PCDHGA8: variants seen among roughly 807,000 people sequenced by gnomAD.
PCDHGA8 encodes protocadherin gamma subfamily A, 8, also known as protocadherin gamma-A8.
PCDHGA8 carries 45 observed loss-of-function variants against 59.2 expected under a neutral mutation model. The observed-to-expected ratio is 0.76, with a 90% CI of 0.60 to 0.98. PCDHGA8 has a LOEUF of 0.98. Among genes scored for constraint, PCDHGA8 ranks in the 50% least tolerant of loss-of-function variants. PCDHGA8 has a pLI of 0.00. For missense variants in PCDHGA8, 1,257 were observed against 1,196.2 expected (o/e 1.05, Z -0.75); for synonymous variants, 531 against 519.0 (o/e 1.02, Z -0.32).
chr5:141,481,842 T>C (rs1402237517), intron 1 of PCDHGA8, among the ~76,000 whole-genome samples: 1 of 144,038 alleles, frequency 6.9e-6, no homozygotes, highest in Non-Finnish European at 1.5e-5. Flanking sequence ...AATCGCTTGA[T>C]GGTGGAGGTT....
At chr5:141,400,557 ACC>A in intron 1 of PCDHGA8, 5 of 1,613,254 alleles carry the variant, frequency 3.1e-6, no homozygotes, top group Non-Finnish European at 3.4e-6. Context: ...CTTTTTCATT[ACC>A]CACCCAATTT....
chr5:141,489,084 C>G lies in PCDHGA8; in HGVS notation c.2425-5723C>G. ...CTCCCCCCTGCCCACCCCCGCCACT[C>G]GGTGACTAAGAACTGCTGCAAGCAG... On this transcript the variant is annotated intron_variant, in intron 1 of 3. Transcript: ENST00000398604. This position sits in a 1 kb window ranked among gnomAD's most constrained non-coding sequence, Gnocchi z 4.5. 6.1e-6 allele frequency: 2 copies of G among 329,126 alleles called. No homozygotes were observed. The highest frequency in any genetic ancestry group is 2.5e-5 in the African/African-American group (1 of 40,384). 20.4% of individuals were successfully genotyped at this position (329,126 alleles called of 1,614,324 possible). A position where few individuals can be genotyped will look rare whatever the true frequency, so the allele number is the denominator to read the frequency against.
In PCDHGA8 at chr5:141,489,637, T is replaced by G. The variant is rs1230531256; in HGVS notation, c.2425-5170T>G. The G allele has an allele frequency of 6.2e-6, 10 of 1,614,032 alleles. No homozygotes were observed. The highest frequency in any genetic ancestry group is 2.7e-5 in the African/African-American group (2 of 74,914). On this transcript the variant is annotated intron_variant, in intron 1 of 3. Transcript: ENST00000398604. The surrounding 1 kb of genome is among the most constrained non-coding windows in gnomAD (Gnocchi z 4.5). The stretch of plus-strand genomic sequence containing the variant: ...GGATCTCAATGACAACTCTCCTAGC[T>G]TTGCCACCCCTGAGCGAGAGATGCG...
rs1266306917 is a variant in PCDHGA8 at position 141,403,005 on chromosome 5, C to A, written c.2424+7768C>A. ...CGCGGAAGATTAGTCCTGCTATGCTCGCTCCTGGGGATGCTATGGGAGGCC... is the reference window on the plus strand; with the variant it reads ...CGCGGAAGATTAGTCCTGCTATGCTAGCTCCTGGGGATGCTATGGGAGGCC... On this transcript the variant is annotated intron_variant, in intron 1 of 3. Transcript: ENST00000398604. The A allele has an allele frequency of 2.5e-6, 4 of 1,613,960 alleles. No homozygotes were observed. The East Asian group carries it at 8.9e-5, about 36-fold the overall frequency.
At chr5:141,423,557 G>A (rs1365715281) in intron 1 of PCDHGA8, 4 of 1,613,536 alleles carry the variant, frequency 2.5e-6, no homozygotes, top group East Asian at 2.2e-5. Context: ...CCCAACTATG[G>A]GGACACGCTC....
At chr5:141,404,518 T>C (rs775647026) in intron 1 of PCDHGA8, 16 of 1,613,656 alleles carry the variant, frequency 9.9e-6, no homozygotes, top group Non-Finnish European at 1.4e-5. Flanking sequence ...CCTTTGACTA[T>C]GAGCAGTTTA....
rs182936964 is a variant in PCDHGA8, at chr5:141,502,069, T to C, written c.2484-3324T>C. 1.1e-3 allele frequency among the ~76,000 whole-genome samples: 175 copies of C among 152,186 alleles called. 1 individual carries two copies. Among genetic ancestry groups the C allele is most frequent in the African/African-American group, 3.9e-3 (162 of 41,524 alleles). ...CCCTACTTTATTCCCATTAGCCCCC[T>C]TCACCTGGGGCTGAGAACACCTGGC... On this transcript the variant is annotated intron_variant, in intron 2 of 3. Coordinates refer to ENST00000398604, the MANE Select transcript of PCDHGA8 (RefSeq NM_032088.2).
chr5:141,477,262 C>A lies in PCDHGA8; in HGVS notation c.2425-17545C>A, dbSNP rs60063068. 1.2e-5 allele frequency: 19 copies of A among 1,614,020 alleles called. No homozygotes were observed. The East Asian group carries it at 4.2e-4, about 36-fold the overall frequency. On this transcript the variant is annotated intron_variant, in intron 1 of 3. Transcript: ENST00000398604. This position sits in a 1 kb window ranked among gnomAD's most constrained non-coding sequence, Gnocchi z 4.9. ...TCAGTGTGACTGACCTGGATGCTGG[C>A]GAGAACGGGCTGGTGACCTGCGAAG...
chr5:141,507,206 G>A (rs1392293998), intron 3 of PCDHGA8: 2 of 152,376 alleles, frequency 1.3e-5, no homozygotes, highest in African/African-American at 4.8e-5. Flanking sequence ...CCAGATCAGG[G>A]TTGCCAGATA....
chr5:141,399,780 A>G (rs1444494014), intron 1 of PCDHGA8: 1 of 1,613,288 alleles, frequency 6.2e-7, no homozygotes, highest in Non-Finnish European at 8.5e-7. Flanking sequence ...TGGGCGACCG[A>G]AACGACAACG....
intron 1 of PCDHGA8, chr5:141,441,868 C>A: frequency 3.0e-6 from 1 of 338,212 alleles, no homozygotes; most frequent in Non-Finnish European, 5.8e-6. Flanking sequence ...CGCCGCGGAG[C>A]CTGGCTACCT....
At chr5:141,413,740 C>A in intron 1 of PCDHGA8, 2 of 1,613,402 alleles carry the variant, frequency 1.2e-6, no homozygotes, top group Non-Finnish European at 1.7e-6. Flanking sequence ...AGTTCAGAGC[C>A]GTGCCAATGG....
intron 1 of PCDHGA8, among the ~76,000 whole-genome samples, chr5:141,481,300 GA>G (rs998363845): frequency 3.3e-5 from 5 of 152,248 alleles, no homozygotes; most frequent in African/African-American, 1.2e-4. Context: ...TCATCTAAGG[GA>G]AAAACCTTCC....
chr5:141,415,740 G>GTTTTTTTTTTT (rs57426385), intron 1 of PCDHGA8: 102 of 625,036 alleles, frequency 1.6e-4, no homozygotes, highest in Admixed American at 2.1e-4. Context: ...GTTTATTAAG[G>GTTTTTTTTTTT]TTTTTTTTTT....
At chr5:141,425,624 G>T (rs1007643604) in intron 1 of PCDHGA8, among the ~76,000 whole-genome samples, 1 of 152,184 alleles carries the variant, frequency 6.6e-6, no homozygotes, top group African/African-American at 2.4e-5. Flanking sequence ...TGCTCCTCCA[G>T]TTTTCTCTGA....
chr5:141,506,577 A>G (rs2099855057), intron 3 of PCDHGA8, among the ~76,000 whole-genome samples: 1 of 152,162 alleles, frequency 6.6e-6, no homozygotes, highest in South Asian at 2.1e-4. Flanking sequence ...TTCACTTACT[A>G]TTAATGGGCA....
Position 141,491,627 on chromosome 5 carries a change from A to C in PCDHGA8, c.2425-3180A>C. On this transcript the variant is annotated intron_variant, in intron 1 of 3. Transcript: ENST00000398604. The surrounding 1 kb of genome is among the most constrained non-coding windows in gnomAD (Gnocchi z 6.9). ...ACTTTTCTAAGACCCCTCAGCGTTC[A>C]GCAGCCCACAGCTCTGGCGCTGGAG... 6.2e-7 allele frequency: 1 copy of C among 1,613,924 alleles called. No homozygotes were observed. The highest frequency in any genetic ancestry group is 8.5e-7 in the Non-Finnish European group (1 of 1,180,026).
chr5:141,419,644 CG>C (rs1418985518), intron 1 of PCDHGA8: 2 of 1,612,396 alleles, frequency 1.2e-6, no homozygotes, highest in Non-Finnish European at 1.7e-6. Flanking sequence ...TGGCCGTGGA[CG>C]CGGACTCGGG....
At chr5:141,395,896 A>C (rs1229120477) in intron 1 of PCDHGA8, 2 of 152,188 alleles carry the variant, frequency 1.3e-5, no homozygotes, top group Admixed American at 6.5e-5. Flanking sequence ...CCTGGGCTCC[A>C]TGCCCATGGA....
Sources: gnomAD v4.1 joint callset for allele counts (sites outside exome capture counted in the v4.1 genomes callset) on GRCh38, gnomAD v4.1.1 for gene constraint, Gnocchi (gnomAD v3.1) non-coding constraint, MANE v1.5 for transcripts, NCBI Gene and HGNC (gene_info 2026-07-23, HGNC 2026-07-21) for gene names.